Variants in USH1C observed in about 807,000 individuals in gnomAD.
USH1C encodes the protein harmonin.
In USH1C, 90 loss-of-function variants were observed where a neutral mutation model predicts 119.3. The observed-to-expected ratio is 0.75, with a 90% confidence interval of 0.64 to 0.90. The LOEUF (loss-of-function observed/expected upper bound fraction) is 0.90, where lower values mean the gene tolerates loss of function less well. Among genes scored for constraint, USH1C ranks in the 40% least tolerant of loss-of-function variants. The pLI, the probability that USH1C is intolerant of heterozygous loss-of-function variation, is 0.00. For missense variants in USH1C, 1,165 were observed against 1,167.7 expected, an observed-to-expected ratio of 1.00 and a Z score of 0.03; for synonymous variants, 465 against 443.3, an observed-to-expected ratio of 1.05 and a Z score of -0.62.
intron 13 of USH1C, 61 bp downstream of exon 13, chr11:17,521,285 C>A: frequency 6.3e-7 from 1 of 1,584,896 alleles, no homozygotes; most frequent in South Asian, 1.1e-5. Flanking sequence ...CTCTGGTTGG[C>A]CACACTCCCC....
chr11:17,511,815 A>G (rs1301119818), intron 16 of USH1C, 87 bp downstream of exon 16: 19 of 1,497,844 alleles, frequency 1.3e-5, no homozygotes, highest in Middle Eastern at 1.8e-4. Context: ...TGAGGAGAAC[A>G]ACTCCAGCTG....
rs555408405 is a variant in USH1C, at chr11:17,494,287, T to A, written c.*45A>T. Reference sequence around the variant, plus strand: ...GTAGTGTGGCCTCTCTCAAGGCTGATCCGAGGCTTTGTGTTCACGAGGTGG... The same window carrying A: ...GTAGTGTGGCCTCTCTCAAGGCTGAACCGAGGCTTTGTGTTCACGAGGTGG... On this transcript the variant is annotated 3_prime_UTR_variant, in exon 27 of 27. Transcript: ENST00000005226. 3.8e-6 allele frequency: 6 copies of A among 1,595,686 alleles called. 1 individual carries two copies. The South Asian group carries it at 4.6e-5, about 12-fold the overall frequency.
At chr11:17,532,261 G>T (rs963149156) in intron 2 of USH1C, among the ~76,000 whole-genome samples, 5 of 152,070 alleles carry the variant, frequency 3.3e-5, no homozygotes, top group African/African-American at 1.2e-4. Flanking sequence ...ATTCTGGAAT[G>T]CCCTTCCCAG....
intron 1 of USH1C, among the ~76,000 whole-genome samples, chr11:17,534,587 A>C (rs1456010750): frequency 1.3e-5 from 2 of 152,222 alleles, no homozygotes; most frequent in Admixed American, 6.5e-5. Context: ...AGGAGTTCCC[A>C]GCTAGGGCTG....
chr11:17,517,573 C>A, intron 14 of USH1C: 1 of 1,192,112 alleles, frequency 8.4e-7, no homozygotes, highest in Non-Finnish European at 1.2e-6. Context: ...CTGTAATCAG[C>A]TTCCTCCATG....
chr11:17,533,403 C>A, intron 1 of USH1C, 81 bp from the exon 2 acceptor site: 2 of 1,006,054 alleles, frequency 2.0e-6, no homozygotes, highest in South Asian at 1.3e-5. Flanking sequence ...GAGGTCATCC[C>A]CAAGGGCCTC....
rs57959744 is a variant in USH1C, at chr11:17,521,173, C to T, written c.1085+173G>A. On this transcript the variant is annotated intron_variant, in intron 13 of 26. Coordinates refer to ENST00000005226, the MANE Select transcript of USH1C (RefSeq NM_153676.4). ...TGTGAACCCCACCTTGGCAATTATACGAGACTATGTTTCAGTTACTATAAT... is the reference window on the plus strand; with the variant it reads ...TGTGAACCCCACCTTGGCAATTATATGAGACTATGTTTCAGTTACTATAAT... Among the ~76,000 whole-genome samples the T allele has an allele frequency of 0.013, 1,978 of 152,202 alleles. 39 individuals carry two copies. Among genetic ancestry groups the T allele is most frequent in the African/African-American group, 0.046 (1,897 of 41,508 alleles).
In USH1C at chr11:17,522,764, C is replaced by T. The variant is rs1328737015; in HGVS notation, c.1019+20G>A. ...TGGGGTGGGAGGCGGGACAGGGCATCCAGGGCTGGCTGCACTCACTGCCGC... is the reference window on the plus strand; with the variant it reads ...TGGGGTGGGAGGCGGGACAGGGCATTCAGGGCTGGCTGCACTCACTGCCGC... On this transcript the variant is annotated intron_variant, in intron 12 of 26. Transcript: ENST00000005226. The T allele has an allele frequency of 1.2e-6, 2 of 1,613,606 alleles. No homozygotes were observed. The highest frequency in any genetic ancestry group is 2.2e-5 in the East Asian group (1 of 44,866).
chr11:17,527,019 T>C lies in USH1C; in HGVS notation c.518A>G (p.Lys173Arg). 1 of 1,561,844 alleles carries C rather than the reference T, an allele frequency of 6.4e-7. No homozygotes were observed. Among genetic ancestry groups the C allele is most frequent in the Non-Finnish European group, 8.7e-7 (1 of 1,152,076 alleles). Residue 173 changes from lysine (K) to arginine (R), a missense_variant, in exon 6 of 27, where the codon AAA (lysine) becomes AGA (arginine). By Grantham distance (26) the Lys-to-Arg change is conservative. Transcript: ENST00000005226. ...KVRHIGLIPV[K>R]SSPDEPLTWQ... ...CTGCAGAGGAGGGGCCTCTCACCTT[T>C]TCACGGGGATCAGGCCGATGTCTGC...
At chr11:17,495,525 G>A in intron 26 of USH1C, 44 bp downstream of exon 26, 2 of 1,584,268 alleles carry the variant, frequency 1.3e-6, no homozygotes, top group South Asian at 1.1e-5. Context: ...GCCACTGCAA[G>A]CAGCAGGGAC....
intron 21 of USH1C, 29 bp from the exon 22 acceptor site, chr11:17,501,564 T>C (rs373271463): frequency 6.2e-7 from 1 of 1,603,356 alleles, no homozygotes; most frequent in African/African-American, 1.3e-5. Context: ...TGGGAAGCTT[T>C]GAGCTGGCCT....
Position 17,496,802 on chromosome 11 carries a change from G to C in USH1C, c.2502C>G (p.Asp834Glu), listed in dbSNP as rs752664316. Residue 834 changes from aspartate (D) to glutamate (E), a missense_variant, in exon 25 of 27, where the codon GAC (aspartate) becomes GAG (glutamate). Transcript: ENST00000005226. The part of the protein sequence containing the change: ...KAWNQGGDWI[D>E]LVVAVCPPKE... ...TTGGGGGGCAGACGGCAACCACAAG[G>C]TCGATCCAGTCCTGTGGGGAGAAGC... is the stretch of plus-strand genomic sequence containing the variant. 1.9e-6 allele frequency: 3 copies of C among 1,614,076 alleles called. No homozygotes were observed. The African/African-American group carries it at 4.0e-5, about 22-fold the overall frequency.
At chr11:17,519,024 GAA>G (rs35854098) in intron 14 of USH1C, among the ~76,000 whole-genome samples, 5 of 144,514 alleles carry the variant, frequency 3.5e-5, no homozygotes, top group Non-Finnish European at 7.6e-5. Flanking sequence ...TCTGTCTCAA[GAA>G]AAAAAAAAAA....
chr11:17,520,640 G>T (rs1222100758), intron 14 of USH1C, among the ~76,000 whole-genome samples: 1 of 152,128 alleles, frequency 6.6e-6, no homozygotes, highest in Admixed American at 6.5e-5. Context: ...AGTGTTGTGG[G>T]GGACCTGGGA....
In USH1C at chr11:17,544,398, G is replaced by A. The variant is rs1463582980; in HGVS notation, c.-91C>T. 1.3e-6 allele frequency: 2 copies of A among 1,585,574 alleles called. No individual in the cohort carries two copies. Among genetic ancestry groups the A allele is most frequent in the Non-Finnish European group, 1.7e-6 (2 of 1,160,144 alleles). ...TGGAAAGAGCCGCGACCGCGACCGG[G>A]CCAGCCGCCCTCGGAGCTGGGGGCG... On this transcript the variant is annotated 5_prime_UTR_variant, in exon 1 of 27. Coordinates refer to ENST00000005226, the MANE Select transcript of USH1C (RefSeq NM_153676.4).
chr11:17,508,118 T>C (rs1419368912), intron 18 of USH1C, among the ~76,000 whole-genome samples: 1 of 152,152 alleles, frequency 6.6e-6, no homozygotes. Context: ...AAGCTACTGC[T>C]CATCTTGATG....
At chr11:17,498,978 T>C (rs2133775368) in intron 23 of USH1C, among the ~76,000 whole-genome samples, 1 of 152,334 alleles carries the variant, frequency 6.6e-6, no homozygotes, top group Middle Eastern at 3.4e-3. Flanking sequence ...GTTGAATAAA[T>C]GAAGCTGTAA....
At chr11:17,517,185 G>A (rs1416256612) in intron 14 of USH1C, among the ~76,000 whole-genome samples, 1 of 152,192 alleles carries the variant, frequency 6.6e-6, no homozygotes, top group Non-Finnish European at 1.5e-5. Flanking sequence ...TGGTACCAGT[G>A]TGCAACAGCT....
intron 14 of USH1C, chr11:17,516,675 T>C (rs1850159896): frequency 3.1e-6 from 1 of 326,688 alleles, no homozygotes; most frequent in Non-Finnish European, 5.9e-6. Context: ...TTCTAACCCA[T>C]GTCTGGTCCC....
Sources: gnomAD v4.1 joint callset for allele counts (sites outside exome capture counted in the v4.1 genomes callset) on GRCh38, gnomAD v4.1.1 for gene constraint, MANE v1.5 for transcripts, NCBI Gene and HGNC (gene_info 2026-07-23, HGNC 2026-07-21) for gene names.